The following AGK variants were observed in gnomAD, a reference collection of about 807,000 sequenced individuals.
AGK encodes acylglycerol kinase.
Under a neutral mutation model 66.4 loss-of-function variants are expected in AGK, and 52 were observed. The ratio of observed to expected loss-of-function variants is 0.78; its 90% confidence interval spans 0.63 to 0.99. The LOEUF (loss-of-function observed/expected upper bound fraction) is 0.99, where lower values mean the gene tolerates loss of function less well. Ranked by LOEUF, AGK falls within the 50% of genes least tolerant of loss-of-function variation. AGK has a pLI of 0.00. For synonymous variants in AGK, 182 were observed against 181.1 expected (o/e 1.00, Z -0.04); for missense variants, 451 against 506.6 (o/e 0.89, Z 1.05).
chr7:141,622,847 A>T (rs1336457096), intron 9 of AGK, among the ~76,000 whole-genome samples: 3 of 152,026 alleles, frequency 2.0e-5, no homozygotes, highest in East Asian at 3.9e-4. Context: ...CTTGAGCAGG[A>T]GTTCAAGACC....
At chr7:141,625,822 T>C (rs12703397) in intron 9 of AGK, among the ~76,000 whole-genome samples, 7,895 of 152,130 alleles carry the variant, frequency 0.052, 363 homozygotes, top group South Asian at 0.14. Flanking sequence ...TCTTAGCTCT[T>C]TGGTGAGCTT....
At chr7:141,622,633 C>T (rs774418145) in intron 9 of AGK, among the ~76,000 whole-genome samples, 1 of 152,206 alleles carries the variant, frequency 6.6e-6, no homozygotes, top group Non-Finnish European at 1.5e-5. Context: ...GCTCCACCAA[C>T]CAGCCATTTC....
intron 2 of AGK, among the ~76,000 whole-genome samples, chr7:141,556,558 TAAAG>T (rs1795215460): frequency 6.9e-6 from 1 of 145,456 alleles, no homozygotes; most frequent in Non-Finnish European, 1.5e-5. Context: ...AAAAAAAAAA[TAAAG>T]AATGGGAGGC....
chr7:141,603,124 CTA>C (rs1230444768), intron 5 of AGK, among the ~76,000 whole-genome samples: 1 of 152,082 alleles, frequency 6.6e-6, no homozygotes, highest in Non-Finnish European at 1.5e-5. Flanking sequence ...GCACTATATT[CTA>C]TATATGTTCA....
Position 141,598,539 on chromosome 7 carries a change from T to C in AGK, c.221+1898T>C, listed in dbSNP as rs1397486152. ...CTCATCTGTAAAATCAGAAAGGCAA[T>C]AGTACATACTTTAAAAATTATTATG... On this transcript the variant is annotated intron_variant, in intron 4 of 15. Coordinates refer to ENST00000649286, the MANE Select transcript of AGK (RefSeq NM_018238.4). The surrounding 1 kb of genome is among the most constrained non-coding windows in gnomAD (Gnocchi z 4.2). 2.6e-5 allele frequency among the ~76,000 whole-genome samples: 4 copies of C among 152,184 alleles called. No individual in the cohort carries two copies. Among genetic ancestry groups the C allele is most frequent in the Non-Finnish European group, 5.9e-5 (4 of 68,038 alleles).
intron 9 of AGK, among the ~76,000 whole-genome samples, chr7:141,625,210 G>GT (rs1276927305): frequency 1.3e-5 from 2 of 152,014 alleles, no homozygotes; most frequent in Non-Finnish European, 2.9e-5. Flanking sequence ...AAACCAAAAA[G>GT]TTTTTTTGAC....
intron 2 of AGK, among the ~76,000 whole-genome samples, chr7:141,566,134 G>A (rs1795463072): frequency 6.6e-6 from 1 of 152,194 alleles, no homozygotes; most frequent in Non-Finnish European, 1.5e-5. Context: ...TTCTTCCTGA[G>A]ACAACTATCA....
At chr7:141,567,769 T>G (rs560670516) in intron 2 of AGK, among the ~76,000 whole-genome samples, 2 of 152,374 alleles carry the variant, frequency 1.3e-5, no homozygotes, top group Admixed American at 1.3e-4. Context: ...CACTCATTTC[T>G]GGTCCTTTTA....
intron 15 of AGK, chr7:141,652,466 T>C (rs915804858): frequency 4.6e-6 from 1 of 216,050 alleles, no homozygotes; most frequent in African/African-American, 2.2e-5. Context: ...CCTTAAGACA[T>C]GGCAGGACCC....
At chr7:141,632,735 TTCTC>T (rs1238200606) in intron 9 of AGK, among the ~76,000 whole-genome samples, 1 of 152,240 alleles carries the variant, frequency 6.6e-6, no homozygotes, top group African/African-American at 2.4e-5. Context: ...TCTCTGCCAT[TTCTC>T]TCTGGTTCCC....
Position 141,654,784 on chromosome 7 carries a change from A to T in AGK, c.*1860A>T, listed in dbSNP as rs1255513122. ...AGATCCCTTTTAAGATACATACACCATGCCCACACATCCCATGGAGAGAGA... is the reference window on the plus strand; with the variant it reads ...AGATCCCTTTTAAGATACATACACCTTGCCCACACATCCCATGGAGAGAGA... On this transcript the variant is annotated 3_prime_UTR_variant, in exon 16 of 16. Coordinates refer to ENST00000649286, the MANE Select transcript of AGK (RefSeq NM_018238.4). 3 of 152,216 alleles carry T rather than the reference A, an allele frequency of 2.0e-5. No homozygotes were observed. The highest frequency in any genetic ancestry group is 7.2e-5 in the African/African-American group (3 of 41,442). The allele number at this position is 152,216 out of a possible 1,614,324, so 9.4% of individuals were successfully genotyped here.
At chr7:141,599,534 A>G (rs1486564396) in intron 4 of AGK, among the ~76,000 whole-genome samples, 3 of 152,176 alleles carry the variant, frequency 2.0e-5, no homozygotes, top group African/African-American at 7.2e-5. Flanking sequence ...TAAAGACCCA[A>G]ATATTCTAAC....
intron 5 of AGK, 79 bp downstream of exon 5, chr7:141,601,359 A>G: frequency 8.9e-7 from 1 of 1,126,034 alleles, no homozygotes. Flanking sequence ...TTCTTAGCAA[A>G]AATTGCTTGT....
intron 11 of AGK, among the ~76,000 whole-genome samples, chr7:141,638,456 G>A (rs1309349897): frequency 6.6e-6 from 1 of 152,094 alleles, no homozygotes; most frequent in Admixed American, 6.6e-5. Flanking sequence ...AAGCAATGGG[G>A]AGTTATTGAG....
intron 9 of AGK, among the ~76,000 whole-genome samples, chr7:141,632,388 C>T (rs1175264418): frequency 6.6e-6 from 1 of 151,978 alleles, no homozygotes; most frequent in Non-Finnish European, 1.5e-5. Context: ...AATCTTTTTC[C>T]TTACCATTCC....
rs899877868 is a variant in AGK, at chr7:141,589,692, C to T, written c.102-3454C>T. 2.0e-5 allele frequency among the ~76,000 whole-genome samples: 3 copies of T among 152,110 alleles called. No homozygotes were observed. In the East Asian group the frequency reaches 5.8e-4, roughly 29 times the overall value. On this transcript the variant is annotated intron_variant, in intron 2 of 15. Coordinates refer to ENST00000649286, the MANE Select transcript of AGK (RefSeq NM_018238.4). ...TCTCCTGCCTCAGCCTCCCAAGTAG[C>T]TGGGATTATAGGCATGTGCCACCAT... is the stretch of plus-strand genomic sequence containing the variant.
At chr7:141,640,378 G>GT in intron 11 of AGK, among the ~76,000 whole-genome samples, 1 of 152,228 alleles carries the variant, frequency 6.6e-6, no homozygotes, top group South Asian at 2.1e-4. Flanking sequence ...TCCATGCATT[G>GT]GTCCTTCTAG....
chr7:141,616,253 T>C (rs1386853335), intron 8 of AGK: 1 of 152,206 alleles, frequency 6.6e-6, no homozygotes, highest in East Asian at 1.9e-4. Flanking sequence ...TTTGAGCAAA[T>C]AGTTGTCAAG....
At chr7:141,648,195 GATCTT>G (rs1437582229) in intron 13 of AGK, among the ~76,000 whole-genome samples, 1 of 152,030 alleles carries the variant, frequency 6.6e-6, no homozygotes. Context: ...CTGCTTCTTT[GATCTT>G]ATTTTCTAAT....
Sources: allele counts gnomAD v4.1 joint callset (sites outside exome capture counted in the v4.1 genomes callset), GRCh38; gene constraint gnomAD v4.1.1; non-coding constraint Gnocchi (gnomAD v3.1); transcripts MANE v1.5; gene names NCBI Gene and HGNC (gene_info 2026-07-23, HGNC 2026-07-21).